Variants in GNG12 observed in about 807,000 individuals in gnomAD.
GNG12 encodes guanine nucleotide-binding protein G(I)/G(S)/G(O) subunit gamma-12.
For synonymous variants in GNG12, 28 were observed against 29.7 expected (o/e 0.94, Z 0.19); for missense variants, 69 against 83.8 (o/e 0.82, Z 0.69).
chr1:67,782,759 AT>A (rs1370833411), intron 1 of GNG12, among the ~76,000 whole-genome samples: 4 of 152,198 alleles, frequency 2.6e-5, no homozygotes, highest in South Asian at 2.1e-4. Context: ...ACTCAACATA[AT>A]TTTTTCCCCA....
chr1:67,783,015 T>TAGAG (rs1314355317), intron 1 of GNG12, among the ~76,000 whole-genome samples: 9 of 152,340 alleles, frequency 5.9e-5, no homozygotes, highest in African/African-American at 2.2e-4. Context: ...GAACAATTTA[T>TAGAG]CTCTAGTCCT....
chr1:67,780,061 T>G (rs2803460), intron 1 of GNG12, among the ~76,000 whole-genome samples: 28,661 of 152,210 alleles, frequency 0.19, 3,153 homozygotes, highest in East Asian at 0.39. Flanking sequence ...ATGGGACCAC[T>G]GCCACAGATG....
At chr1:67,773,374 A>G (rs906803528) in intron 2 of GNG12, among the ~76,000 whole-genome samples, 2 of 152,136 alleles carry the variant, frequency 1.3e-5, no homozygotes, top group African/African-American at 4.8e-5. Context: ...ACTCCTGCTC[A>G]CCTTCCCTAT....
chr1:67,746,461 T>C (rs1646507783), intron 2 of GNG12, among the ~76,000 whole-genome samples: 1 of 152,172 alleles, frequency 6.6e-6, no homozygotes, highest in African/African-American at 2.4e-5. Flanking sequence ...ACATCCCTTC[T>C]TCTCAGCAAT....
chr1:67,825,853 G>A (rs1647007903), intron 1 of GNG12, among the ~76,000 whole-genome samples: 1 of 152,170 alleles, frequency 6.6e-6, no homozygotes, highest in South Asian at 2.1e-4. Context: ...GCAATACTGA[G>A]CATGCTGGTG....
intron 1 of GNG12, among the ~76,000 whole-genome samples, chr1:67,805,054 T>A (rs1167928812): frequency 2.0e-5 from 3 of 152,206 alleles, no homozygotes; most frequent in Non-Finnish European, 4.4e-5. Flanking sequence ...GCCTAACTTA[T>A]CTGGGGAAAA....
intron 1 of GNG12, among the ~76,000 whole-genome samples, chr1:67,828,263 G>A (rs1647022271): frequency 6.6e-6 from 1 of 152,192 alleles, no homozygotes; most frequent in Non-Finnish European, 1.5e-5. Context: ...GAGAGGCACT[G>A]ATGATTCTCC....
chr1:67,754,005 T>G (rs969806405), intron 2 of GNG12, among the ~76,000 whole-genome samples: 1 of 152,202 alleles, frequency 6.6e-6, no homozygotes, highest in African/African-American at 2.4e-5. Flanking sequence ...CATTCCAGCA[T>G]GCCCTGCCCC....
intron 2 of GNG12, among the ~76,000 whole-genome samples, chr1:67,769,422 A>G (rs12746680): frequency 3.3e-5 from 5 of 152,166 alleles, no homozygotes; most frequent in African/African-American, 4.8e-5. Flanking sequence ...TACATAAGTG[A>G]GGGTGGGTCT....
intron 2 of GNG12, among the ~76,000 whole-genome samples, chr1:67,748,393 T>C (rs924557418): frequency 1.3e-5 from 2 of 152,268 alleles, no homozygotes; most frequent in Middle Eastern, 3.4e-3. Flanking sequence ...ACTGGGAAGA[T>C]GTAACATGCT....
At chr1:67,757,019 A>G (rs1646573787) in intron 2 of GNG12, among the ~76,000 whole-genome samples, 1 of 152,186 alleles carries the variant, frequency 6.6e-6, no homozygotes, top group Non-Finnish European at 1.5e-5. Flanking sequence ...ATTTAAGTTG[A>G]GTATCCCTTA....
chr1:67,714,751 T>G (rs1386559972), intron 2 of GNG12, among the ~76,000 whole-genome samples: 1 of 152,186 alleles, frequency 6.6e-6, no homozygotes, highest in Non-Finnish European at 1.5e-5. Flanking sequence ...TTACCCCCAG[T>G]AATTCAGAAC....
chr1:67,786,163 G>A (rs1385685365), intron 1 of GNG12, among the ~76,000 whole-genome samples: 1 of 152,142 alleles, frequency 6.6e-6, no homozygotes, highest in Non-Finnish European at 1.5e-5. Context: ...AAGTGGGGAT[G>A]ATTTAACATT....
At chr1:67,737,696 A>T (rs1646460165) in intron 2 of GNG12, among the ~76,000 whole-genome samples, 1 of 152,130 alleles carries the variant, frequency 6.6e-6, no homozygotes. Flanking sequence ...ATGAAAATAC[A>T]TAATAACAAG....
intron 1 of GNG12, among the ~76,000 whole-genome samples, chr1:67,781,245 C>T (rs563942803): frequency 1.3e-5 from 2 of 152,310 alleles, no homozygotes; most frequent in South Asian, 4.1e-4. Context: ...AATCCACTAG[C>T]TTCCCATGTG....
chr1:67,798,036 A>G lies in GNG12; in HGVS notation c.-76-20529T>C, dbSNP rs985407559. On this transcript the variant is annotated intron_variant, in intron 1 of 3. Coordinates refer to ENST00000370982, the MANE Select transcript of GNG12 (RefSeq NM_018841.6). ...AAACTCCATTTTTGCTCCCATGTTC[A>G]AGAACTTATAGGAGGTTCCTTTCAC... 2.0e-5 allele frequency among the ~76,000 whole-genome samples: 3 copies of G among 152,096 alleles called. No homozygotes were observed. The East Asian group carries it at 5.8e-4, about 29-fold the overall frequency.
At chr1:67,764,665 A>C (rs1232520952) in intron 2 of GNG12, among the ~76,000 whole-genome samples, 1 of 152,192 alleles carries the variant, frequency 6.6e-6, no homozygotes, top group Non-Finnish European at 1.5e-5. Context: ...GAAGACAGAA[A>C]GGTACTAACA....
At chr1:67,747,702 T>TTTTACATGTGAAC (rs1646515321) in intron 2 of GNG12, among the ~76,000 whole-genome samples, 1 of 152,230 alleles carries the variant, frequency 6.6e-6, no homozygotes, top group Non-Finnish European at 1.5e-5. Context: ...AAAAGTCTGA[T>TTTTACATGTGAAC]TTTACATGTG....
chr1:67,783,889 A>C (rs1189300465), intron 1 of GNG12, among the ~76,000 whole-genome samples: 1 of 150,232 alleles, frequency 6.7e-6, no homozygotes, highest in East Asian at 2.0e-4. Context: ...TAGTTCAACC[A>C]TTGTGGAAGT....
Sources: allele counts gnomAD v4.1 joint callset (sites outside exome capture counted in the v4.1 genomes callset), GRCh38; gene constraint gnomAD v4.1.1; transcripts MANE v1.5; gene names NCBI Gene and HGNC (gene_info 2026-07-23, HGNC 2026-07-21).